The following SLC29A3 variants were observed in gnomAD, a reference collection of about 807,000 sequenced individuals.
The protein encoded by SLC29A3 is solute carrier family 29 member 3, also known as equilibrative nucleoside transporter 3.
A neutral mutation model predicts 25.4 loss-of-function variants in SLC29A3; 18 were observed. The ratio of observed to expected loss-of-function variants is 0.71; its 90% CI spans 0.49 to 1.05. The LOEUF (loss-of-function observed/expected upper bound fraction) is 1.05, where lower values mean the gene tolerates loss of function less well. Among genes scored for constraint, SLC29A3 ranks in the 50% least tolerant of loss-of-function variants. SLC29A3 has a pLI of 0.00. For synonymous variants in SLC29A3, 258 were observed against 267.1 expected, an observed-to-expected ratio of 0.97 and a Z score of 0.33; for missense variants, 586 against 609.0, an observed-to-expected ratio of 0.96 and a Z score of 0.40.
chr10:71,356,843 C>G (rs1034571970), intron 5 of SLC29A3, among the ~76,000 whole-genome samples: 5 of 152,128 alleles, frequency 3.3e-5, no homozygotes, highest in African/African-American at 1.2e-4. Context: ...AACAAACAAA[C>G]AAAAGACAAA....
chr10:71,326,004 C>T (rs1162840644), intron 2 of SLC29A3, among the ~76,000 whole-genome samples: 2 of 149,784 alleles, frequency 1.3e-5, no homozygotes, highest in Non-Finnish European at 3.0e-5. Flanking sequence ...GCAGCCTCAA[C>T]CTCCCTGGGC....
At chr10:71,378,099 G>T (rs921850756) in intron 4 of SLC29A3, among the ~76,000 whole-genome samples, 1 of 139,616 alleles carries the variant, frequency 7.2e-6, no homozygotes. Context: ...CAATGTTGGG[G>T]GGGGGGGTCC....
chr10:71,325,895 A>C (rs961505186), intron 2 of SLC29A3, among the ~76,000 whole-genome samples: 4 of 140,940 alleles, frequency 2.8e-5, no homozygotes. Context: ...GCTGCCTCAT[A>C]TTTCTGGACT....
chr10:71,319,456 C>G (rs1479088678), intron 1 of SLC29A3, 146 bp downstream of exon 1: 1 of 455,794 alleles, frequency 2.2e-6, no homozygotes, highest in East Asian at 3.6e-5. Context: ...GTCCCTTCCC[C>G]ACCGTCCCTC....
At chr10:71,329,108 A>G (rs1846056074) in intron 2 of SLC29A3, among the ~76,000 whole-genome samples, 1 of 152,200 alleles carries the variant, frequency 6.6e-6, no homozygotes, top group African/African-American at 2.4e-5. Flanking sequence ...TCCACATGAC[A>G]TCCTGGTGAG....
intron 4 of SLC29A3, among the ~76,000 whole-genome samples, chr10:71,376,265 G>T (rs1365087658): frequency 1.3e-5 from 2 of 152,194 alleles, no homozygotes; most frequent in African/African-American, 4.8e-5. Flanking sequence ...AACCTCCACT[G>T]GGCCCTCAGT....
chr10:71,365,843 C>T (rs1847166615), downstream of SLC29A3: 1 of 152,018 alleles, frequency 6.6e-6, no homozygotes, highest in Admixed American at 6.6e-5. Context: ...GTGAACAAAA[C>T]TCACCAAAAA....
chr10:71,322,882 T>G lies in SLC29A3; in HGVS notation c.128T>G (p.Leu43Arg), dbSNP rs146764905. 651 of 1,614,232 alleles carry G rather than the reference T, an allele frequency of 4.0e-4. 2 individuals carry two copies. In the African/African-American group the frequency reaches 7.9e-3, roughly 20 times the overall value. ...CTGCTGGACCGCCCGCCCCCTGGCC[T>G]GCAGAGGCCCGAGGACCGCTTCTGT... The part of the protein sequence containing the change: ...EKLLDRPPPG[L>R]QRPEDRFCGT... Residue 43 changes from leucine to arginine, a missense_variant, in exon 2 of 6, where the codon CTG (leucine) becomes CGG (arginine). Transcript: ENST00000373189.
At chr10:71,371,726 G>A (rs947224376) in intron 3 of SLC29A3, among the ~76,000 whole-genome samples, 4 of 152,206 alleles carry the variant, frequency 2.6e-5, no homozygotes, top group Non-Finnish European at 4.4e-5. Flanking sequence ...TTCCTTATCT[G>A]TAAAAGGGAT....
chr10:71,336,353 T>C (rs1846253667), intron 2 of SLC29A3, among the ~76,000 whole-genome samples: 1 of 152,152 alleles, frequency 6.6e-6, no homozygotes, highest in Non-Finnish European at 1.5e-5. Flanking sequence ...CAGCCCCCTC[T>C]AGACGGGGTA....
chr10:71,362,070 C>A lies in SLC29A3; in HGVS notation c.890C>A (p.Pro297His). Residue 297 changes from proline to histidine, a missense_variant, in exon 6 of 6, where the codon CCT (proline) becomes CAT (histidine). Pro to His is a moderately conservative substitution (Grantham distance 77, BLOSUM62 -2). Coordinates refer to ENST00000373189, the MANE Select transcript of SLC29A3 (RefSeq NM_018344.6). ...AGATTCATTGATTCCCACACACCCC[C>A]TCTCCGCCCCATCCTGAAGAAGACG... Reference protein sequence around the residue: ...ASRFIDSHTPPLRPILKKTAS... With the variant: ...ASRFIDSHTPHLRPILKKTAS... The A allele has an allele frequency of 6.2e-7, 1 of 1,614,162 alleles. No individual in the cohort carries two copies. The highest frequency in any genetic ancestry group is 2.2e-5 in the East Asian group (1 of 44,884).
At chr10:71,346,835 G>C (rs985599429) in intron 3 of SLC29A3, among the ~76,000 whole-genome samples, 3 of 152,176 alleles carry the variant, frequency 2.0e-5, no homozygotes, top group Admixed American at 6.5e-5. Context: ...CTTCTAGTGA[G>C]AGCCCTGTCT....
intron 2 of SLC29A3, among the ~76,000 whole-genome samples, chr10:71,334,408 A>G (rs1846192451): frequency 6.6e-6 from 1 of 152,158 alleles, no homozygotes; most frequent in African/African-American, 2.4e-5. Context: ...ACACTCACTT[A>G]CAGCTCTTTC....
At chr10:71,372,240 G>A (rs1328210428) in intron 3 of SLC29A3, among the ~76,000 whole-genome samples, 1 of 152,174 alleles carries the variant, frequency 6.6e-6, no homozygotes, top group Non-Finnish European at 1.5e-5. Context: ...ACTATGAACC[G>A]GGCAAGTGAA....
downstream of SLC29A3, among the ~76,000 whole-genome samples, chr10:71,363,787 T>TG (rs1299099990): frequency 1.6e-4 from 9 of 57,288 alleles, no homozygotes; most frequent in African/African-American, 3.6e-4. Flanking sequence ...TTGAGGATTT[T>TG]TTTTTCTTTT....
rs1847065603 is a variant in SLC29A3, at chr10:71,361,966, G to A, written c.786G>A (p.Arg262=). The A allele has an allele frequency of 2.5e-6, 4 of 1,613,938 alleles. No individual in the cohort carries two copies. Among genetic ancestry groups the A allele is most frequent in the Non-Finnish European group, 2.5e-6 (3 of 1,180,026 alleles). The change falls in exon 6 of 6, where the codon AGG becomes AGA. Residue 262 remains arginine (R), a synonymous_variant. Coordinates refer to ENST00000373189, the MANE Select transcript of SLC29A3 (RefSeq NM_018344.6). ...CTCCTCCCTGCAGGTACTACATGAG[G>A]CCTGTTCTTGCGGCCCATGTGTTTT... ...SRLEYARYYM[R]PVLAAHVFSG...
chr10:71,379,709 A>G (rs1007963477), intron 4 of SLC29A3: 1 of 152,238 alleles, frequency 6.6e-6, no homozygotes, highest in Non-Finnish European at 1.5e-5. Flanking sequence ...TATAATTGCA[A>G]TAAAGCCATT....
intron 4 of SLC29A3, among the ~76,000 whole-genome samples, chr10:71,377,125 T>C (rs1847258334): frequency 6.6e-6 from 1 of 152,168 alleles, no homozygotes; most frequent in Admixed American, 6.5e-5. Context: ...ATGGTTAGGC[T>C]GAGGGATAGG....
chr10:71,356,407 G>A (rs192668213), intron 5 of SLC29A3, among the ~76,000 whole-genome samples, 164 bp downstream of exon 5: 48 of 152,358 alleles, frequency 3.2e-4, no homozygotes, highest in Non-Finnish European at 1.3e-4. Flanking sequence ...GGCTGGCTCT[G>A]TGCCACAGTC....
Sources: gnomAD v4.1 joint callset for allele counts (sites outside exome capture counted in the v4.1 genomes callset) on GRCh38, gnomAD v4.1.1 for gene constraint, MANE v1.5 for transcripts, NCBI Gene and HGNC (gene_info 2026-07-23, HGNC 2026-07-21) for gene names.